Variants in MOXD1 observed in about 807,000 individuals in gnomAD.
MOXD1 encodes DBH-like monooxygenase protein 1.
MOXD1 carries 62 observed loss-of-function variants against 66.6 expected under a neutral mutation model. That is an observed-to-expected ratio of 0.93 (90% CI 0.76 to 1.15). The LOEUF (loss-of-function observed/expected upper bound fraction) is 1.15, where lower values mean the gene tolerates loss of function less well. Ranked by LOEUF, MOXD1 falls within the 50% of genes most tolerant of loss-of-function variation. The pLI is 0.00. For missense variants in MOXD1, 847 were observed against 754.6 expected (o/e 1.12, Z -1.44); for synonymous variants, 303 against 281.9 (o/e 1.07, Z -0.75).
intron 10 of MOXD1, among the ~76,000 whole-genome samples, chr6:132,311,451 G>A (rs1180013169): frequency 2.0e-5 from 3 of 151,436 alleles, no homozygotes; most frequent in Non-Finnish European, 2.9e-5. Context: ...GGTTTAGAAA[G>A]CAGAAGTGGG....
chr6:132,356,309 T>G (rs1775909486), intron 4 of MOXD1, among the ~76,000 whole-genome samples: 1 of 152,186 alleles, frequency 6.6e-6, no homozygotes, highest in South Asian at 2.1e-4. Context: ...TAAGCCTCAC[T>G]AGTAGTCTAA....
At position 132,382,588 on chromosome 6, in the gene MOXD1, C is replaced by A. The variant is rs140518169; in HGVS notation, c.265-7811G>T. On this transcript the variant is annotated intron_variant, in intron 1 of 11. Coordinates refer to ENST00000367963, the MANE Select transcript of MOXD1 (RefSeq NM_015529.4). ...TACACCTGAAAATGAGTTAATAATT[C>A]AATTCCAATAATAAAGCTAGTTTTC... 5.8e-3 allele frequency among the ~76,000 whole-genome samples: 888 copies of A among 152,124 alleles called. 4 individuals carry two copies. The highest frequency in any genetic ancestry group is 0.02 in the African/African-American group (828 of 41,518).
chr6:132,299,209 G>A (rs937684807), intron 10 of MOXD1, among the ~76,000 whole-genome samples: 3 of 152,140 alleles, frequency 2.0e-5, no homozygotes, highest in African/African-American at 7.2e-5. Context: ...TCACATATAA[G>A]TGGGATCTAA....
chr6:132,332,147 C>A (rs1318341914), intron 4 of MOXD1, among the ~76,000 whole-genome samples: 1 of 152,162 alleles, frequency 6.6e-6, no homozygotes, highest in African/African-American at 2.4e-5. Flanking sequence ...GGGCAAATAA[C>A]AAGGCTTCTC....
Position 132,372,963 on chromosome 6 carries a change from T to C in MOXD1, c.446A>G (p.His149Arg), listed in dbSNP as rs1036844116. Residue 149 changes from histidine (H) to arginine (R), a missense_variant, in exon 3 of 12, where the codon CAT becomes CGT. Coordinates refer to ENST00000367963, the MANE Select transcript of MOXD1 (RefSeq NM_015529.4). ...STVRVIWAYH[H>R]EDAGEAGPKY... The stretch of plus-strand genomic sequence containing the variant: ...GGGACCAGCTTCTCCTGCATCTTCA[T>C]GGTGGTAGGCCCAGATCACTCTCAC... 11 of 1,613,990 alleles carry C rather than the reference T, an allele frequency of 6.8e-6. No individual in the cohort carries two copies. The highest frequency in any genetic ancestry group is 9.3e-6 in the Non-Finnish European group (11 of 1,179,894).
At chr6:132,343,293 G>C (rs1337121298) in intron 4 of MOXD1, among the ~76,000 whole-genome samples, 2 of 152,184 alleles carry the variant, frequency 1.3e-5, no homozygotes, top group Non-Finnish European at 2.9e-5. Context: ...CTTCATGGAA[G>C]TCTGGGCACA....
chr6:132,303,880 CATAT>C (rs369032635), intron 10 of MOXD1, among the ~76,000 whole-genome samples: 20,781 of 83,812 alleles, frequency 0.25, 2,374 homozygotes, highest in Non-Finnish European at 0.3. Flanking sequence ...TATATATATA[CATAT>C]ATACATAAAA....
intron 4 of MOXD1, among the ~76,000 whole-genome samples, chr6:132,336,363 C>T (rs369718584): frequency 3.9e-5 from 6 of 152,298 alleles, no homozygotes; most frequent in Admixed American, 3.3e-4. Flanking sequence ...TAAAGTGATG[C>T]TGCCTATGGG....
chr6:132,384,191 C>T (rs1407397407), intron 1 of MOXD1, among the ~76,000 whole-genome samples: 2 of 150,962 alleles, frequency 1.3e-5, no homozygotes, highest in African/African-American at 4.9e-5. Flanking sequence ...TCCTCTCTTC[C>T]TTCCTCCCTC....
chr6:132,303,759 A>G (rs1295378850), intron 10 of MOXD1, among the ~76,000 whole-genome samples: 1 of 138,380 alleles, frequency 7.2e-6, no homozygotes, highest in African/African-American at 3.0e-5. Context: ...ATGTACATAT[A>G]TATATATATA....
intron 9 of MOXD1, among the ~76,000 whole-genome samples, chr6:132,317,517 T>G (rs926957886): frequency 1.3e-5 from 2 of 152,240 alleles, no homozygotes; most frequent in African/African-American, 4.8e-5. Flanking sequence ...GAGTAAAATT[T>G]TAAGAAGTTA....
chr6:132,382,399 A>G (rs561077867), intron 1 of MOXD1, among the ~76,000 whole-genome samples: 3 of 152,266 alleles, frequency 2.0e-5, no homozygotes, highest in African/African-American at 4.8e-5. Flanking sequence ...ATGTTATTCT[A>G]TATAAATGGC....
chr6:132,388,615 ACCT>A (rs961830132), intron 1 of MOXD1, among the ~76,000 whole-genome samples: 5 of 151,382 alleles, frequency 3.3e-5, no homozygotes, highest in Non-Finnish European at 7.4e-5. Flanking sequence ...CTTATTAGTA[ACCT>A]TGGAGAATGG....
Position 132,349,440 on chromosome 6 carries a change from T to TAC in MOXD1, c.664-20847_664-20846insGT, listed in dbSNP as rs1775750028. ...ATATATACATATATATATATACATA[T>TAC]ATATATATATACATATATATATATA... On this transcript the variant is annotated intron_variant, in intron 4 of 11. Coordinates refer to ENST00000367963, the MANE Select transcript of MOXD1 (RefSeq NM_015529.4). Among the ~76,000 whole-genome samples, 3 of 66,094 alleles carry TAC rather than the reference T, an allele frequency of 4.5e-5. 1 individual carries two copies. The highest frequency in any genetic ancestry group is 3.5e-4 in the African/African-American group (3 of 8,600). 43.4% of individuals were successfully genotyped at this position (66,094 alleles called of 152,430 possible).
intron 4 of MOXD1, among the ~76,000 whole-genome samples, chr6:132,334,757 C>T (rs1277149701): frequency 6.6e-6 from 1 of 152,130 alleles, no homozygotes; most frequent in African/African-American, 2.4e-5. Context: ...GAGGGCAGAG[C>T]TGGGGGGATA....
At chr6:132,360,462 G>A (rs1317862744) in intron 4 of MOXD1, among the ~76,000 whole-genome samples, 1 of 152,146 alleles carries the variant, frequency 6.6e-6, no homozygotes, top group Non-Finnish European at 1.5e-5. Flanking sequence ...ATCAACAGAG[G>A]TTGCCTCTGT....
intron 5 of MOXD1, 51 bp downstream of exon 5, chr6:132,328,364 G>A (rs749003675): frequency 1.1e-5 from 18 of 1,571,930 alleles, no homozygotes; most frequent in Middle Eastern, 1.7e-4. Flanking sequence ...TATTTGTGGC[G>A]GGAAATATGA....
intron 1 of MOXD1, among the ~76,000 whole-genome samples, chr6:132,377,744 T>C (rs1776423202): frequency 1.3e-5 from 2 of 152,240 alleles, no homozygotes; most frequent in Admixed American, 1.3e-4. Flanking sequence ...GCTCATATCT[T>C]CAACCTTACT....
chr6:132,314,380 G>A (rs563054873), intron 10 of MOXD1, among the ~76,000 whole-genome samples: 1 of 152,302 alleles, frequency 6.6e-6, no homozygotes, highest in South Asian at 2.1e-4. Context: ...ATTCCTTCCA[G>A]TCTAGCCCTC....
Sources: gnomAD v4.1 joint callset for allele counts (sites outside exome capture counted in the v4.1 genomes callset) on GRCh38, gnomAD v4.1.1 for gene constraint, MANE v1.5 for transcripts, NCBI Gene and HGNC (gene_info 2026-07-23, HGNC 2026-07-21) for gene names.